NKAIN4: variants seen among roughly 807,000 people sequenced by gnomAD.
NKAIN4 encodes the protein sodium/potassium-transporting ATPase subunit beta-1-interacting protein 4.
Under a neutral mutation model 28.8 loss-of-function variants are expected in NKAIN4, and 28 were observed. The observed-to-expected ratio is 0.97, with a 90% CI of 0.72 to 1.33. The LOEUF (loss-of-function observed/expected upper bound fraction) is 1.33. NKAIN4 is among the 40% of genes most tolerant of loss of function. The probability of loss-of-function intolerance (pLI) is 0.00; values close to 1 mark genes in which losing one functional copy is unlikely to be tolerated. For missense variants in NKAIN4, 289 were observed against 277.2 expected (o/e 1.04, Z -0.30); for synonymous variants, 122 against 115.6 (o/e 1.06, Z -0.36).
At chr20:63,247,279 TGTCTCG>T in intron 4 of NKAIN4, 2 of 1,309,366 alleles carry the variant, frequency 1.5e-6, no homozygotes, top group South Asian at 3.4e-5. Flanking sequence ...AGAGGCGGGG[TGTCTCG>T]GCCTGATCCG....
At chr20:63,243,957 A>G in intron 5 of NKAIN4, 67 bp downstream of exon 5, 2 of 1,373,238 alleles carry the variant, frequency 1.5e-6, no homozygotes, top group Admixed American at 1.9e-5. Context: ...CCCAGACGGG[A>G]CAGACTCAGA....
At chr20:63,242,152 C>T (rs1240180172) in intron 6 of NKAIN4, among the ~76,000 whole-genome samples, 2 of 152,162 alleles carry the variant, frequency 1.3e-5, no homozygotes, top group African/African-American at 4.8e-5. Context: ...TCTGGTTCTG[C>T]CAGATAGGAA....
rs1024907260 is a variant in NKAIN4 at position 63,241,653 on chromosome 20, G to A, written c.618-147C>T. On this transcript the variant is annotated intron_variant, in intron 6 of 6. Transcript: ENST00000370316. Reference sequence around the variant, plus strand: ...GCCTTTGGCAGAAAGGAGATGGGTGGGACTGAGGCTCTGGAAAGCCCCCAC... The same window carrying A: ...GCCTTTGGCAGAAAGGAGATGGGTGAGACTGAGGCTCTGGAAAGCCCCCAC... 14 of 747,228 alleles carry A rather than the reference G, an allele frequency of 1.9e-5. No homozygotes were observed. The African/African-American group carries it at 2.4e-4, about 13-fold the overall frequency. 46.3% of individuals were successfully genotyped at this position (747,228 alleles called of 1,614,324 possible).
chr20:63,247,272 G>A, intron 4 of NKAIN4: 2 of 1,308,544 alleles, frequency 1.5e-6, no homozygotes, highest in Non-Finnish European at 2.0e-6. Context: ...CAAAGCCAGA[G>A]GCGGGGTGTC....
chr20:63,241,538 G>A, intron 6 of NKAIN4, 32 bp from the exon 7 acceptor site: 1 of 1,548,652 alleles, frequency 6.5e-7, no homozygotes, highest in African/African-American at 1.4e-5. Context: ...GCACCTGGGG[G>A]AACAGGGCTG....
chr20:63,241,242 T>G lies in NKAIN4; in HGVS notation c.*255A>C. The G allele has an allele frequency of 2.0e-6, 1 of 506,598 alleles. No homozygotes were observed. Among genetic ancestry groups the G allele is most frequent in the South Asian group, 2.3e-5 (1 of 42,872 alleles). 31.4% of individuals were successfully genotyped at this position (506,598 alleles called of 1,614,324 possible). ...GAGGTGGGCATGTGGGGTTTTGCCT[T>G]TTCTTTTGTATGTTTTCTTTTCTTT... On this transcript the variant is annotated 3_prime_UTR_variant, in exon 7 of 7. Coordinates refer to ENST00000370316, the MANE Select transcript of NKAIN4 (RefSeq NM_152864.4).
chr20:63,244,699 G>A lies in NKAIN4; in HGVS notation c.472-615C>T, dbSNP rs192001510. On this transcript the variant is annotated intron_variant, in intron 4 of 6. Coordinates refer to ENST00000370316, the MANE Select transcript of NKAIN4 (RefSeq NM_152864.4). ...GGGAGTCCAGGGCAGAGGGCAGGCCGCTGCAAAGCCCCACACACCTCGCAG... is the reference window on the plus strand; with the variant it reads ...GGGAGTCCAGGGCAGAGGGCAGGCCACTGCAAAGCCCCACACACCTCGCAG... Among the ~76,000 whole-genome samples, 25 of 152,318 alleles carry A rather than the reference G, an allele frequency of 1.6e-4. No individual in the cohort carries two copies. In the East Asian group the frequency reaches 3.9e-3, roughly 24 times the overall value.
At chr20:63,253,411 A>G in intron 1 of NKAIN4, 1 of 985,436 alleles carries the variant, frequency 1.0e-6, no homozygotes, top group Non-Finnish European at 1.2e-6. Context: ...AGCCGAGCAC[A>G]GGACACCCAA....
chr20:63,243,556 C>T (rs111382709), intron 5 of NKAIN4, among the ~76,000 whole-genome samples: 3 of 152,162 alleles, frequency 2.0e-5, no homozygotes, highest in Non-Finnish European at 2.9e-5. Context: ...GTGGACCACT[C>T]GTGTTGCAAA....
intron 1 of NKAIN4, 143 bp from the exon 2 acceptor site, chr20:63,250,215 C>G: frequency 1.1e-6 from 1 of 917,368 alleles, no homozygotes. Flanking sequence ...ACGAAGGACA[C>G]CAGGGCTGTA....
intron 4 of NKAIN4, 123 bp downstream of exon 4, chr20:63,247,455 G>C: frequency 6.5e-7 from 1 of 1,546,092 alleles, no homozygotes; most frequent in Non-Finnish European, 8.7e-7. Context: ...TGGGGGATGA[G>C]GAAGGCAGAG....
At chr20:63,242,909 G>A (rs2066786130) in intron 5 of NKAIN4, among the ~76,000 whole-genome samples, 1 of 150,860 alleles carries the variant, frequency 6.6e-6, no homozygotes. Context: ...GCAGGGGTAG[G>A]ACAGCCCGGG....
chr20:63,247,470 G>C (rs866072421), intron 4 of NKAIN4, 108 bp downstream of exon 4: 1 of 1,547,376 alleles, frequency 6.5e-7, no homozygotes, highest in Non-Finnish European at 8.7e-7. Context: ...GCAGAGACAC[G>C]CCTGAGGCCA....
intron 4 of NKAIN4, among the ~76,000 whole-genome samples, chr20:63,244,882 G>C (rs1047196026): frequency 6.6e-6 from 1 of 152,206 alleles, no homozygotes; most frequent in African/African-American, 2.4e-5. Context: ...TGTGACTGGA[G>C]GGACCCCGGA....
Position 63,247,282 on chromosome 20 carries a change from C to T in NKAIN4, c.471+296G>A, listed in dbSNP as rs2066876407. On this transcript the variant is annotated intron_variant, in intron 4 of 6. Coordinates refer to ENST00000370316, the MANE Select transcript of NKAIN4 (RefSeq NM_152864.4). ...GCCGTCAAAGCCAGAGGCGGGGTGT[C>T]TCGGCCTGATCCGATTCCTTCCCAC... 4 of 1,335,276 alleles carry T rather than the reference C, an allele frequency of 3.0e-6. No homozygotes were observed. In the East Asian group the frequency reaches 1.3e-4, roughly 43 times the overall value. The allele number at this position is 1,335,276 out of a possible 1,614,324, so 82.7% of individuals were successfully genotyped here. A position where few individuals can be genotyped will look rare whatever the true frequency, so the allele number is the denominator to read the frequency against.
chr20:63,247,351 T>C, intron 4 of NKAIN4: 4 of 1,500,248 alleles, frequency 2.7e-6, no homozygotes, highest in Non-Finnish European at 3.6e-6. Context: ...AGCGCCTGGG[T>C]TGGCCCCGCC....
At chr20:63,251,397 G>C (rs918306515) in intron 1 of NKAIN4, among the ~76,000 whole-genome samples, 3 of 152,152 alleles carry the variant, frequency 2.0e-5, no homozygotes, top group African/African-American at 7.2e-5. Flanking sequence ...AGAGGTGGAG[G>C]AGTAGAGTCT....
At chr20:63,249,906 C>T in intron 2 of NKAIN4, 29 bp downstream of exon 2, 1 of 1,595,012 alleles carries the variant, frequency 6.3e-7, no homozygotes, top group Non-Finnish European at 8.5e-7. Context: ...ACCCACCTGC[C>T]CATAAAGAGG....
intron 6 of NKAIN4, chr20:63,241,871 T>C (rs1343701444): frequency 2.5e-6 from 1 of 406,106 alleles, no homozygotes; most frequent in Admixed American, 3.6e-5. Context: ...GGAGCTGGGC[T>C]CCTGCTACCT....
Sources: gnomAD v4.1 joint callset for allele counts (sites outside exome capture counted in the v4.1 genomes callset) on GRCh38, gnomAD v4.1.1 for gene constraint, MANE v1.5 for transcripts, NCBI Gene and HGNC (gene_info 2026-07-23, HGNC 2026-07-21) for gene names.